Variants in ABCA10 observed in about 807,000 individuals in gnomAD.
The protein encoded by ABCA10 is ATP binding cassette subfamily A member 10.
ABCA10 carries 169 observed loss-of-function variants against 187.5 expected under a neutral mutation model. The observed-to-expected ratio is 0.90, with a 90% CI of 0.80 to 1.02. The LOEUF (loss-of-function observed/expected upper bound fraction) is 1.02. Among genes scored for constraint, ABCA10 ranks in the 50% least tolerant of loss-of-function variants. ABCA10 has a pLI of 0.00. For missense variants in ABCA10, 1,727 were observed against 1,812.4 expected, an observed-to-expected ratio of 0.95 and a Z score of 0.86; for synonymous variants, 574 against 601.8, an observed-to-expected ratio of 0.95 and a Z score of 0.68.
chr17:69,162,844 T>TATACATATACATATAC (rs1568051561), intron 27 of ABCA10, among the ~76,000 whole-genome samples: 1 of 20,532 alleles, frequency 4.9e-5, no homozygotes, highest in Non-Finnish European at 1.0e-4. Flanking sequence ...TATACATATA[T>TATACATATACATATAC]ATATATATAT....
intron 20 of ABCA10, among the ~76,000 whole-genome samples, chr17:69,184,668 A>G (rs1319925564): frequency 2.0e-5 from 3 of 152,136 alleles, no homozygotes; most frequent in Non-Finnish European, 4.4e-5. Context: ...AACTAAAAGT[A>G]AGTCTACCGA....
intron 11 of ABCA10, chr17:69,196,527 G>T: frequency 5.9e-6 from 1 of 169,514 alleles, no homozygotes; most frequent in Non-Finnish European, 1.3e-5. Flanking sequence ...TCACTTCCCA[G>T]ACTGGGAGGC....
chr17:69,166,005 A>G (rs921373495), intron 25 of ABCA10, among the ~76,000 whole-genome samples: 2 of 152,196 alleles, frequency 1.3e-5, no homozygotes, highest in African/African-American at 4.8e-5. Flanking sequence ...CAATCAAGAA[A>G]AATGTAAACA....
At chr17:69,177,973 A>ATATATATATATAAATATGTTAT (rs68149070) in intron 22 of ABCA10, among the ~76,000 whole-genome samples, 1 of 49,980 alleles carries the variant, frequency 2.0e-5, no homozygotes, top group Non-Finnish European at 4.5e-5. Flanking sequence ...AAAAAAAAAA[A>ATATATATATATAAATATGTTAT]ATATATATAT....
upstream of ABCA10, among the ~76,000 whole-genome samples, chr17:69,230,219 T>C (rs576521838): frequency 6.6e-6 from 1 of 152,260 alleles, no homozygotes; most frequent in South Asian, 2.1e-4. Context: ...GCTCTTGGAC[T>C]TCTCGGCTTC....
intron 13 of ABCA10, 52 bp from the exon 14 acceptor site, chr17:69,193,664 T>G (rs2074478271): frequency 6.4e-7 from 1 of 1,551,654 alleles, no homozygotes; most frequent in Admixed American, 2.0e-5. Context: ...CTTTAAGGAG[T>G]TTTTACTCTC....
At chr17:69,203,372 A>G (rs1031383901) in intron 9 of ABCA10, among the ~76,000 whole-genome samples, 1 of 152,158 alleles carries the variant, frequency 6.6e-6, no homozygotes, top group Admixed American at 6.5e-5. Flanking sequence ...AAATCAAACT[A>G]ATGTTTTATA....
At chr17:69,154,160 A>T in intron 31 of ABCA10, 75 bp downstream of exon 31, 1 of 1,457,950 alleles carries the variant, frequency 6.9e-7, no homozygotes, top group African/African-American at 1.4e-5. Flanking sequence ...TTAAAAAGAT[A>T]TTTGATTTAC....
chr17:69,188,638 T>G (rs1769366694), intron 18 of ABCA10, among the ~76,000 whole-genome samples: 1 of 151,804 alleles, frequency 6.6e-6, no homozygotes, highest in South Asian at 2.1e-4. Flanking sequence ...CAGACAATTT[T>G]GTCATCCAGG....
intron 30 of ABCA10, among the ~76,000 whole-genome samples, chr17:69,154,534 C>T (rs2074158931): frequency 6.7e-6 from 1 of 150,340 alleles, no homozygotes; most frequent in African/African-American, 2.5e-5. Context: ...AAGCGATCTT[C>T]CTGCATCAGT....
At chr17:69,233,558 G>C (rs2074845215), upstream of ABCA10, 1 of 152,148 alleles carries the variant, frequency 6.6e-6, no homozygotes, top group African/African-American at 2.4e-5. Context: ...TTTAGGGCCA[G>C]TCCCTGGTGC....
chr17:69,235,787 C>CA lies in ABCA10; in HGVS notation c.-592-6928dup, dbSNP rs962478237. 3.6e-4 allele frequency among the ~76,000 whole-genome samples: 54 copies of CA among 149,136 alleles called. 1 individual carries two copies. The highest frequency in any genetic ancestry group is 5.9e-4 in the East Asian group (3 of 5,118). ...TTACTGAGATTTAAAAAAAAGAAAA[C>CA]AAAAAAAACAAAAACAAAACCTTAA... On this transcript the variant is annotated intron_variant, in intron 1 of 39. Transcript: ENST00000269081.
rs372973236 is a variant in ABCA10, at chr17:69,193,810, G to A, written c.1521+4C>T. ...AAGCCATCAATCTTAATGTGTTCCT[G>A]TACCTCTTGTTCCACTTCCTTTGGC... On this transcript the variant is annotated splice_donor_region_variant and intron_variant, in intron 13 of 38. Transcript: ENST00000690296. 196 of 1,612,630 alleles carry A rather than the reference G, an allele frequency of 1.2e-4. No homozygotes were observed. In the African/African-American group the frequency reaches 2.5e-3, roughly 20 times the overall value.
At position 69,219,560 on chromosome 17, in the gene ABCA10, C is replaced by A; in HGVS notation, c.515G>T (p.Arg172Leu). Residue 172 changes from arginine (R) to leucine (L), a missense_variant, in exon 6 of 39, where the codon CGA (arginine) becomes CTA (leucine). Arg to Leu is a moderately radical substitution (Grantham distance 102). Transcript: ENST00000690296. ...CTTAACTTACCAGAATGCTGACTCT[C>A]GGAGACCCATCACTGTCATCAGTTT... Reference protein sequence around the residue: ...FKKLMTVMGLRESAFWLSWGL... With the variant: ...FKKLMTVMGLLESAFWLSWGL... The A allele has an allele frequency of 6.3e-7, 1 of 1,592,028 alleles. No individual in the cohort carries two copies. Among genetic ancestry groups the A allele is most frequent in the Non-Finnish European group, 8.6e-7 (1 of 1,169,340 alleles).
rs749213884 is a variant in ABCA10, at chr17:69,193,991, T to C, written c.1346-2A>G. On this transcript the variant is annotated splice_acceptor_variant, in intron 12 of 38. Transcript: ENST00000690296. LOFTEE classifies it high-confidence loss of function. ...GAGTATTATAAATAGTGGCTGATCC[T>C]ATAAATAGAAATTTAAAAGGCTTTA... The C allele has an allele frequency of 1.9e-6, 3 of 1,580,120 alleles. No homozygotes were observed. The highest frequency in any genetic ancestry group is 1.4e-5 in the African/African-American group (1 of 73,052).
chr17:69,204,594 C>T (rs569585083), intron 9 of ABCA10, among the ~76,000 whole-genome samples: 1 of 152,258 alleles, frequency 6.6e-6, no homozygotes, highest in South Asian at 2.1e-4. Flanking sequence ...ATTTAACTAC[C>T]AATTTACATA....
chr17:69,153,263 G>A, intron 34 of ABCA10, 42 bp downstream of exon 34: 1 of 1,564,708 alleles, frequency 6.4e-7, no homozygotes, highest in Non-Finnish European at 8.6e-7. Flanking sequence ...ATATCCTAGA[G>A]GTATTCTCTT....
In ABCA10 at chr17:69,153,492, TAG is replaced by T. The variant is rs2074147019; in HGVS notation, c.4018_4019del (p.Leu1340IlefsTer25). 2 of 1,614,118 alleles carry T rather than the reference TAG, an allele frequency of 1.2e-6. No homozygotes were observed. The highest frequency in any genetic ancestry group is 2.2e-5 in the East Asian group (1 of 44,866). On this transcript the variant is annotated frameshift_variant, in exon 33 of 39. Coordinates refer to ENST00000690296, the MANE Select transcript of ABCA10 (RefSeq NM_001377321.1). LOFTEE classifies it high-confidence loss of function. Reference sequence around the variant, plus strand: ...ATACCTTTCTCTTTATTCCCTCTGATAGAGTTTTCACAGGAGCCTTAAGTTGT... The same window carrying T: ...ATACCTTTCTCTTTATTCCCTCTGATAGTTTTCACAGGAGCCTTAAGTTGT... ...QEQLKAPVKT[L>X]SEGIKRKLCF...
intron 1 of ABCA10, among the ~76,000 whole-genome samples, chr17:69,237,204 T>G (rs1289612907): frequency 6.6e-6 from 1 of 152,196 alleles, no homozygotes; most frequent in Non-Finnish European, 1.5e-5. Context: ...CTTTTGGAAT[T>G]TATTGGCAGA....
Sources: gnomAD v4.1 joint callset for allele counts (sites outside exome capture counted in the v4.1 genomes callset) on GRCh38, gnomAD v4.1.1 for gene constraint, MANE v1.5 for transcripts, NCBI Gene and HGNC (gene_info 2026-07-23, HGNC 2026-07-21) for gene names.